GNAQ: variants seen among roughly 807,000 people sequenced by gnomAD.
GNAQ encodes the protein guanine nucleotide-binding protein G(q) subunit alpha.
In GNAQ, 8 loss-of-function variants were observed where a neutral mutation model predicts 43.9. That is an observed-to-expected ratio of 0.18 (90% CI 0.11 to 0.33). The LOEUF (loss-of-function observed/expected upper bound fraction) is 0.33. Ranked by LOEUF, GNAQ falls within the 10% of genes least tolerant of loss-of-function variation. The pLI, the probability that GNAQ is intolerant of heterozygous loss-of-function variation, is 1.00. For missense variants in GNAQ, 158 were observed against 450.8 expected (o/e 0.35, Z 5.88); for synonymous variants, 155 against 170.7 (o/e 0.91, Z 0.71).
chr9:77,825,770 A>T (rs1325633760), intron 2 of GNAQ, among the ~76,000 whole-genome samples: 2 of 152,188 alleles, frequency 1.3e-5, no homozygotes, highest in African/African-American at 4.8e-5. Context: ...TTAAAAAAAT[A>T]AAAAAACTGG....
chr9:77,969,575 A>T (rs1382257763), intron 1 of GNAQ, among the ~76,000 whole-genome samples: 1 of 152,212 alleles, frequency 6.6e-6, no homozygotes. Flanking sequence ...TGTATGTTTT[A>T]TATAAGTACA....
intron 1 of GNAQ, among the ~76,000 whole-genome samples, chr9:77,951,396 C>T (rs1328495363): frequency 6.6e-6 from 1 of 152,112 alleles, no homozygotes; most frequent in African/African-American, 2.4e-5. Flanking sequence ...CTTCATCCAG[C>T]CCATTCACTT....
At chr9:77,997,084 A>T (rs1235186276) in intron 1 of GNAQ, among the ~76,000 whole-genome samples, 1 of 152,234 alleles carries the variant, frequency 6.6e-6, no homozygotes, top group African/African-American at 2.4e-5. Flanking sequence ...AGTTACTTTT[A>T]TCTTTTATCA....
intron 2 of GNAQ, among the ~76,000 whole-genome samples, chr9:77,889,298 C>T (rs1225069616): frequency 6.6e-6 from 1 of 150,944 alleles, no homozygotes; most frequent in African/African-American, 2.4e-5. Flanking sequence ...GTCCCAGCTA[C>T]TCATCAGGAG....
chr9:77,936,931 T>C lies in GNAQ; in HGVS notation c.137-14586A>G, dbSNP rs148113127. Among the ~76,000 whole-genome samples, 64 of 152,304 alleles carry C rather than the reference T, an allele frequency of 4.2e-4. No homozygotes were observed. The East Asian group carries it at 0.011, about 27-fold the overall frequency. ...CTTCCACAAACTAGAGTTGAGAATA[T>C]AGAGGTGGGAAAATTTCCAATGATG... On this transcript the variant is annotated intron_variant, in intron 1 of 6. Coordinates refer to ENST00000286548, the MANE Select transcript of GNAQ (RefSeq NM_002072.5).
At chr9:77,767,818 T>G (rs1826159811) in intron 5 of GNAQ, among the ~76,000 whole-genome samples, 1 of 152,140 alleles carries the variant, frequency 6.6e-6, no homozygotes, top group Non-Finnish European at 1.5e-5. Context: ...CAGGTAAATC[T>G]TGAAGTCATG....
chr9:77,794,344 A>T (rs1454784368), intron 5 of GNAQ, 119 bp downstream of exon 5: 5 of 656,368 alleles, frequency 7.6e-6, no homozygotes, highest in African/African-American at 7.4e-5. Context: ...AAAGTCCTAA[A>T]ATCAAATTTC....
intron 5 of GNAQ, among the ~76,000 whole-genome samples, chr9:77,757,433 T>C (rs775819436): frequency 3.3e-5 from 5 of 152,194 alleles, no homozygotes; most frequent in Admixed American, 2.0e-4. Flanking sequence ...TACGCTCAAA[T>C]TGACTAAGTC....
At chr9:77,754,625 T>C (rs1825869600) in intron 5 of GNAQ, among the ~76,000 whole-genome samples, 1 of 152,192 alleles carries the variant, frequency 6.6e-6, no homozygotes, top group South Asian at 2.1e-4. Context: ...TATTTTGTTA[T>C]GTAAGTGTTC....
intron 6 of GNAQ, among the ~76,000 whole-genome samples, chr9:77,724,283 T>C (rs1825364061): frequency 1.3e-5 from 2 of 152,080 alleles, no homozygotes; most frequent in Non-Finnish European, 2.9e-5. Flanking sequence ...CTCCACCTCC[T>C]GGGTTCAAGC....
chr9:77,848,530 T>A (rs1380916712), intron 2 of GNAQ, among the ~76,000 whole-genome samples: 1 of 152,226 alleles, frequency 6.6e-6, no homozygotes, highest in Non-Finnish European at 1.5e-5. Flanking sequence ...GGGATACAGA[T>A]TCCTGGCCAA....
chr9:77,870,716 C>T (rs557010117), intron 2 of GNAQ, among the ~76,000 whole-genome samples: 1 of 152,062 alleles, frequency 6.6e-6, no homozygotes, highest in East Asian at 1.9e-4. Context: ...AAATGACAAA[C>T]AACTCAAATG....
chr9:77,742,318 T>C (rs1327543786), intron 5 of GNAQ, among the ~76,000 whole-genome samples: 1 of 152,130 alleles, frequency 6.6e-6, no homozygotes, highest in Non-Finnish European at 1.5e-5. Context: ...CTAACTAATA[T>C]AGAAGGCAAA....
In GNAQ at chr9:77,909,859, C is replaced by A. The variant is rs540127924; in HGVS notation, c.321+12302G>T. Among the ~76,000 whole-genome samples the A allele has an allele frequency of 7.2e-5, 11 of 152,086 alleles. No individual in the cohort carries two copies. The South Asian group carries it at 2.3e-3, about 32-fold the overall frequency. On this transcript the variant is annotated intron_variant, in intron 2 of 6. Transcript: ENST00000286548. The stretch of plus-strand genomic sequence containing the variant: ...AGTAACTGCAGCTATTAATGAAGAG[C>A]TTATTTTTTTCTCTCCTGAAAGGAA...
At position 77,751,209 on chromosome 9, in the gene GNAQ, A is replaced by G. The variant is rs571758681; in HGVS notation, c.736-22542T>C. Among the ~76,000 whole-genome samples the G allele has an allele frequency of 2.0e-5, 3 of 152,258 alleles. No individual in the cohort carries two copies. In the South Asian group the frequency reaches 6.2e-4, roughly 32 times the overall value. On this transcript the variant is annotated intron_variant, in intron 5 of 6. Transcript: ENST00000286548. ...AGTAATGGCCTGCCTTTTCCCTCAA[A>G]CCACTGCCTAATGCCTTGATTTTTG...
chr9:77,749,288 C>A (rs1269448338), intron 5 of GNAQ, among the ~76,000 whole-genome samples: 1 of 152,202 alleles, frequency 6.6e-6, no homozygotes. Context: ...AAGCAACGAG[C>A]TGATGCCAGT....
intron 5 of GNAQ, among the ~76,000 whole-genome samples, chr9:77,740,383 A>G (rs1825634294): frequency 6.6e-6 from 1 of 152,216 alleles, no homozygotes; most frequent in Non-Finnish European, 1.5e-5. Flanking sequence ...AAAGACTGTA[A>G]GCATATGGTG....
intron 1 of GNAQ, among the ~76,000 whole-genome samples, chr9:77,959,716 C>T (rs1823084798): frequency 6.6e-6 from 1 of 152,060 alleles, no homozygotes. Flanking sequence ...CTACCTTGCA[C>T]AATATTTAAT....
chr9:77,925,686 A>G (rs1408747015), intron 1 of GNAQ, among the ~76,000 whole-genome samples: 1 of 152,218 alleles, frequency 6.6e-6, no homozygotes, highest in Non-Finnish European at 1.5e-5. Flanking sequence ...TTCACGTAAG[A>G]AAAATCTGTA....
Sources: gnomAD v4.1 joint callset for allele counts (sites outside exome capture counted in the v4.1 genomes callset) on GRCh38, gnomAD v4.1.1 for gene constraint, MANE v1.5 for transcripts, NCBI Gene and HGNC (gene_info 2026-07-23, HGNC 2026-07-21) for gene names.